NCOA2: variants seen among roughly 807,000 people sequenced by gnomAD.
The protein encoded by NCOA2 is nuclear receptor coactivator 2.
Under a neutral mutation model 145.1 loss-of-function variants are expected in NCOA2, and 21 were observed. The observed-to-expected ratio is 0.14, with a 90% CI of 0.10 to 0.21. The LOEUF (loss-of-function observed/expected upper bound fraction) is 0.21. Among genes scored for constraint, NCOA2 ranks in the 10% least tolerant of loss-of-function variants. The probability of loss-of-function intolerance (pLI) is 1.00; values close to 1 mark genes in which losing one functional copy is unlikely to be tolerated. For missense variants in NCOA2, 1,472 were observed against 1,837.6 expected (o/e 0.80, Z 3.64); for synonymous variants, 619 against 637.5 (o/e 0.97, Z 0.44).
chr8:70,153,142 C>CAGT (rs1811929608), intron 11 of NCOA2, among the ~76,000 whole-genome samples: 1 of 152,156 alleles, frequency 6.6e-6, no homozygotes, highest in African/African-American at 2.4e-5. Flanking sequence ...TGCTCTAAAG[C>CAGT]AGTACTTCTG....
chr8:70,431,603 T>C, the NCOA2 span, among the ~76,000 whole-genome samples: 1 of 152,242 alleles, frequency 6.6e-6, no homozygotes, highest in Admixed American at 6.5e-5. Context: ...TATTCCACAC[T>C]CTCATAAAAC....
At chr8:70,287,169 G>A (rs920262161) in intron 2 of NCOA2, among the ~76,000 whole-genome samples, 10 of 152,056 alleles carry the variant, frequency 6.6e-5, no homozygotes, top group African/African-American at 2.2e-4. Flanking sequence ...AATCTAGCTC[G>A]GGAGGTCGAG....
intron 22 of NCOA2, among the ~76,000 whole-genome samples, chr8:70,119,182 C>T (rs1037311982): frequency 2.6e-5 from 4 of 152,172 alleles, no homozygotes; most frequent in African/African-American, 9.7e-5. Flanking sequence ...TGTAACCTCT[C>T]ACCCACTTCT....
the NCOA2 span, among the ~76,000 whole-genome samples, chr8:70,451,624 A>T: frequency 4.6e-5 from 7 of 152,056 alleles, no homozygotes; most frequent in African/African-American, 1.7e-4. Context: ...AGCATATAGC[A>T]CTGCAGCTAA....
At chr8:70,117,431 C>A (rs956962172) in intron 22 of NCOA2, among the ~76,000 whole-genome samples, 13 of 152,324 alleles carry the variant, frequency 8.5e-5, no homozygotes, top group African/African-American at 2.9e-4. Flanking sequence ...GAGGTTCCTC[C>A]CTCCTGAGAT....
At chr8:70,247,521 A>C (rs1225253715) in intron 2 of NCOA2, among the ~76,000 whole-genome samples, 1 of 152,210 alleles carries the variant, frequency 6.6e-6, no homozygotes, top group Non-Finnish European at 1.5e-5. Flanking sequence ...GCAATGACTA[A>C]AATCAATAAT....
intron 18 of NCOA2, among the ~76,000 whole-genome samples, chr8:70,127,288 C>T (rs1000319464): frequency 1.2e-4 from 18 of 152,094 alleles, no homozygotes; most frequent in Non-Finnish European, 2.5e-4. Flanking sequence ...AAGTTTGATG[C>T]TAATATCAAT....
At chr8:70,327,477 T>G (rs531310291) in intron 1 of NCOA2, among the ~76,000 whole-genome samples, 3 of 152,344 alleles carry the variant, frequency 2.0e-5, no homozygotes, top group Middle Eastern at 3.4e-3. Flanking sequence ...TTTAACTGAT[T>G]CTGTTTCAAA....
chr8:70,254,717 G>T (rs908335137), intron 2 of NCOA2, among the ~76,000 whole-genome samples: 1 of 152,056 alleles, frequency 6.6e-6, no homozygotes, highest in Non-Finnish European at 1.5e-5. Context: ...GGTAGGAATG[G>T]GGAGTTAAGA....
chr8:70,313,200 A>C (rs1805272101), intron 1 of NCOA2, among the ~76,000 whole-genome samples: 1 of 152,190 alleles, frequency 6.6e-6, no homozygotes, highest in Admixed American at 6.5e-5. Flanking sequence ...GATGAGGCAA[A>C]GGCTAATTAG....
Position 70,170,253 on chromosome 8 carries a change from G to T in NCOA2, c.490C>A (p.His164Asn). ...LMNKSVYSIL[H>N]VGDHTEFVKN... is the part of the protein sequence containing the mutation. ...ACAAATTCCGTGTGGTCCCCAACAT[G>T]CAAGATGCTATATACACTTTTGTTC... is the stretch of plus-strand genomic sequence containing the variant. The change falls in exon 6 of 23, where the codon CAT (histidine) becomes AAT (asparagine). Residue 164 changes from histidine (H) to asparagine (N), a missense_variant. By Grantham distance (68) the His-to-Asn change is moderately conservative (BLOSUM62 1). Transcript: ENST00000452400. The T allele has an allele frequency of 6.2e-7, 1 of 1,613,278 alleles. No homozygotes were observed. The highest frequency in any genetic ancestry group is 8.5e-7 in the Non-Finnish European group (1 of 1,179,648).
rs572688445 is a variant in NCOA2, at chr8:70,322,980, C to T, written c.-76-26180G>A. The stretch of plus-strand genomic sequence containing the variant: ...CTGTCCTACACAAGTTAGGCTGTGT[C>T]GTAAGACTCTTCTACCAGGTACTTT... On this transcript the variant is annotated intron_variant, in intron 1 of 22. Coordinates refer to ENST00000452400, the MANE Select transcript of NCOA2 (RefSeq NM_006540.4). Among the ~76,000 whole-genome samples the T allele has an allele frequency of 2.6e-5, 4 of 152,296 alleles. No individual in the cohort carries two copies. In the South Asian group the frequency reaches 6.2e-4, roughly 24 times the overall value.
At chr8:70,331,200 A>G (rs1252484366) in intron 1 of NCOA2, among the ~76,000 whole-genome samples, 1 of 152,198 alleles carries the variant, frequency 6.6e-6, no homozygotes, top group Non-Finnish European at 1.5e-5. Context: ...GATCAGGAGT[A>G]AAACTGTCAC....
intron 2 of NCOA2, among the ~76,000 whole-genome samples, chr8:70,277,264 G>A (rs901056368): frequency 9.9e-5 from 15 of 152,144 alleles, no homozygotes. Flanking sequence ...ACTAAAGCTT[G>A]AGTGATCCTT....
intron 1 of NCOA2, among the ~76,000 whole-genome samples, chr8:70,306,489 T>A (rs1827899777): frequency 6.6e-6 from 1 of 152,162 alleles, no homozygotes; most frequent in Non-Finnish European, 1.5e-5. Flanking sequence ...TAAATAAAAC[T>A]GGATAGATCT....
At chr8:70,253,760 A>G (rs1179692681) in intron 2 of NCOA2, among the ~76,000 whole-genome samples, 2 of 152,204 alleles carry the variant, frequency 1.3e-5, no homozygotes, top group Non-Finnish European at 1.5e-5. Context: ...CAAAATGATT[A>G]CAAGATCTAA....
chr8:70,350,859 C>T (rs1353063443), intron 1 of NCOA2, among the ~76,000 whole-genome samples: 1 of 152,186 alleles, frequency 6.6e-6, no homozygotes, highest in East Asian at 1.9e-4. Flanking sequence ...GGGACATCGT[C>T]TTAGTCCATT....
intron 2 of NCOA2, among the ~76,000 whole-genome samples, chr8:70,283,032 A>G (rs1437388741): frequency 6.6e-6 from 1 of 152,236 alleles, no homozygotes; most frequent in African/African-American, 2.4e-5. Context: ...CACTGAGAAT[A>G]AAATTCAGTA....
chr8:70,233,204 T>C (rs1821303804), intron 2 of NCOA2, among the ~76,000 whole-genome samples: 2 of 151,908 alleles, frequency 1.3e-5, no homozygotes, highest in East Asian at 3.9e-4. Flanking sequence ...CCAGCCTGGG[T>C]GACAGAGTGA....
Sources: gnomAD v4.1 joint callset for allele counts (sites outside exome capture counted in the v4.1 genomes callset) on GRCh38, gnomAD v4.1.1 for gene constraint, MANE v1.5 for transcripts, NCBI Gene and HGNC (gene_info 2026-07-23, HGNC 2026-07-21) for gene names.